PLEKHA5: variants seen among roughly 807,000 people sequenced by gnomAD.
The protein encoded by PLEKHA5 is pleckstrin homology domain containing A5.
PLEKHA5 carries 55 observed loss-of-function variants against 181.9 expected under a neutral mutation model. That is an observed-to-expected ratio of 0.30 (90% confidence interval 0.24 to 0.38). The LOEUF (loss-of-function observed/expected upper bound fraction) is 0.38. Ranked by LOEUF, PLEKHA5 falls within the 10% of genes least tolerant of loss-of-function variation. The pLI is 1.00. For missense variants in PLEKHA5, 1,432 were observed against 1,549.5 expected, an observed-to-expected ratio of 0.92 and a Z score of 1.27; for synonymous variants, 535 against 529.4, an observed-to-expected ratio of 1.01 and a Z score of -0.15.
intron 20 of PLEKHA5, among the ~76,000 whole-genome samples, chr12:19,325,270 G>A (rs1052870012): frequency 6.6e-6 from 1 of 152,070 alleles, no homozygotes; most frequent in African/African-American, 2.4e-5. Flanking sequence ...GTACACCTGT[G>A]ATCCTAGCTA....
chr12:19,170,768 C>T (rs1009057981), intron 3 of PLEKHA5, among the ~76,000 whole-genome samples: 3 of 152,150 alleles, frequency 2.0e-5, no homozygotes, highest in Non-Finnish European at 2.9e-5. Flanking sequence ...TTTCTGGAGA[C>T]GACATACTTT....
intron 14 of PLEKHA5, 43 bp downstream of exon 14, chr12:19,290,839 C>T (rs1424122647): frequency 6.7e-7 from 1 of 1,492,306 alleles, no homozygotes; most frequent in South Asian, 1.3e-5. Context: ...GCCATCATCT[C>T]TTATTTTGAA....
chr12:19,364,595 C>A (rs1388903345), intron 29 of PLEKHA5, among the ~76,000 whole-genome samples: 2 of 152,098 alleles, frequency 1.3e-5, no homozygotes, highest in Non-Finnish European at 2.9e-5. Flanking sequence ...GCTGCCAAAG[C>A]TATCAGCTGA....
intron 3 of PLEKHA5, among the ~76,000 whole-genome samples, chr12:19,226,558 A>C (rs987208772): frequency 4.6e-5 from 7 of 152,192 alleles, no homozygotes; most frequent in Admixed American, 4.6e-4. Flanking sequence ...GTCAACACTA[A>C]ATATTTATGC....
rs1565671138 is a variant in PLEKHA5, at chr12:19,365,968, C to G, written c.3613C>G (p.Gln1205Glu). The change falls in exon 30 of 32, where the codon CAA (glutamine) becomes GAA (glutamate). Residue 1205 changes from glutamine (Q) to glutamate (E), a missense_variant. By Grantham distance (29) the Gln-to-Glu change is conservative (BLOSUM62 2). Transcript: ENST00000429027. ...KMPEDVTFSP[Q>E]DETQTANHKP... Reference sequence around the variant, plus strand: ...ATACCAATCTATTTTCATCAGCCCTCAAGATGAAACACAGACCGCAAATCA... The same window carrying G: ...ATACCAATCTATTTTCATCAGCCCTGAAGATGAAACACAGACCGCAAATCA... 1 of 1,598,846 alleles carries G rather than the reference C, an allele frequency of 6.3e-7. No homozygotes were observed.
At chr12:19,302,709 A>C (rs747556287) in intron 15 of PLEKHA5, among the ~76,000 whole-genome samples, 10 of 151,934 alleles carry the variant, frequency 6.6e-5, no homozygotes, top group Admixed American at 6.6e-5. Context: ...CTGGTGTAGA[A>C]TTTTTAGACC....
chr12:19,338,275 T>C (rs538674922), intron 21 of PLEKHA5, among the ~76,000 whole-genome samples: 10 of 152,184 alleles, frequency 6.6e-5, no homozygotes, highest in Admixed American at 1.3e-4. Flanking sequence ...TGATCCTAGA[T>C]GAAACCTTGA....
chr12:19,200,497 A>T, intron 3 of PLEKHA5: 1 of 1,369,630 alleles, frequency 7.3e-7, no homozygotes, highest in Admixed American at 3.0e-5. Context: ...ATTCTCCATA[A>T]CAAATGTTCC....
chr12:19,156,922 A>C (rs1030437212), intron 3 of PLEKHA5, among the ~76,000 whole-genome samples: 12 of 149,760 alleles, frequency 8.0e-5, no homozygotes, highest in Non-Finnish European at 1.8e-4. Flanking sequence ...TTAGCTGGGC[A>C]TGGTGGCACT....
intron 3 of PLEKHA5, among the ~76,000 whole-genome samples, chr12:19,245,510 C>G (rs1485918296): frequency 6.6e-6 from 1 of 151,770 alleles, no homozygotes; most frequent in African/African-American, 2.4e-5. Context: ...GGCAGATCAC[C>G]TGAGGTCAGG....
At chr12:19,347,811 A>G (rs568014531) in intron 24 of PLEKHA5, among the ~76,000 whole-genome samples, 78 of 152,058 alleles carry the variant, frequency 5.1e-4, no homozygotes, top group Admixed American at 1.9e-3. Flanking sequence ...TTGAATTAAT[A>G]TAGTTATTTT....
At chr12:19,306,497 G>C (rs762861525) in intron 15 of PLEKHA5, 10 of 711,606 alleles carry the variant, frequency 1.4e-5, no homozygotes, top group Non-Finnish European at 2.4e-5. Context: ...CCTCCTTGCT[G>C]TGTGTTTGAT....
intron 11 of PLEKHA5, among the ~76,000 whole-genome samples, chr12:19,279,347 C>T (rs529739108): frequency 4.6e-5 from 7 of 152,048 alleles, no homozygotes; most frequent in African/African-American, 7.2e-5. Context: ...CTATTTAGCC[C>T]GCAAGCTCTT....
At chr12:19,168,134 A>C (rs2151611167) in intron 3 of PLEKHA5, among the ~76,000 whole-genome samples, 1 of 152,290 alleles carries the variant, frequency 6.6e-6, no homozygotes, top group South Asian at 2.1e-4. Flanking sequence ...CAAGTCATAA[A>C]GTCATGGGTT....
intron 3 of PLEKHA5, among the ~76,000 whole-genome samples, chr12:19,147,787 A>C (rs952822992): frequency 6.6e-6 from 1 of 152,134 alleles, no homozygotes; most frequent in Admixed American, 6.5e-5. Flanking sequence ...CCAAGGCTGG[A>C]GTGCAGTGGC....
intron 7 of PLEKHA5, among the ~76,000 whole-genome samples, chr12:19,263,564 T>C (rs1592247789): frequency 6.6e-6 from 1 of 152,230 alleles, no homozygotes; most frequent in East Asian, 1.9e-4. Context: ...GTCCATGTTT[T>C]ACAGATAATG....
At chr12:19,165,165 C>G (rs1326520195) in intron 3 of PLEKHA5, among the ~76,000 whole-genome samples, 1 of 152,140 alleles carries the variant, frequency 6.6e-6, no homozygotes, top group Non-Finnish European at 1.5e-5. Flanking sequence ...CTGAAAATTT[C>G]TTTTCTTGAT....
intron 3 of PLEKHA5, among the ~76,000 whole-genome samples, chr12:19,235,516 C>G (rs571474721): frequency 1.4e-4 from 22 of 152,256 alleles, no homozygotes; most frequent in African/African-American, 5.3e-4. Context: ...AAGCACTGTT[C>G]TAATTGCTTG....
At chr12:19,318,216 G>A (rs2089631913) in intron 16 of PLEKHA5, among the ~76,000 whole-genome samples, 1 of 151,806 alleles carries the variant, frequency 6.6e-6, no homozygotes, top group African/African-American at 2.4e-5. Context: ...GTTAGTTGAT[G>A]TCTAATGAAT....
Sources: allele counts gnomAD v4.1 joint callset (sites outside exome capture counted in the v4.1 genomes callset), GRCh38; gene constraint gnomAD v4.1.1; transcripts MANE v1.5; gene names NCBI Gene and HGNC (gene_info 2026-07-23, HGNC 2026-07-21).